The following COX17 variants were observed in gnomAD, a reference collection of about 807,000 sequenced individuals.
COX17 encodes the protein cytochrome c oxidase copper chaperone COX17.
A neutral mutation model predicts 6.3 loss-of-function variants in COX17; 1 was observed. That is an observed-to-expected ratio of 0.16 (90% CI 0.06 to 0.75). The LOEUF (loss-of-function observed/expected upper bound fraction) is 0.75, where lower values mean the gene tolerates loss of function less well. Among genes scored for constraint, COX17 ranks in the 30% least tolerant of loss-of-function variants. The pLI, the probability that COX17 is intolerant of heterozygous loss-of-function variation, is 0.77. For synonymous variants in COX17, 26 were observed against 30.5 expected, an observed-to-expected ratio of 0.85 and a Z score of 0.49; for missense variants, 73 against 81.2, an observed-to-expected ratio of 0.90 and a Z score of 0.39.
intron 1 of COX17, chr3:119,676,792 T>C (rs1475707493): frequency 5.7e-6 from 4 of 699,578 alleles, no homozygotes; most frequent in Non-Finnish European, 1.0e-5. Context: ...TATATCAAGA[T>C]GCATCTTTAT....
At chr3:119,669,275 G>T (rs1472758191), downstream of COX17, 29 of 148,592 alleles carry the variant, frequency 2.0e-4, no homozygotes, top group Non-Finnish European at 1.0e-4. Context: ...AAAGAGTGTT[G>T]AATGAGATGA....
intron 2 of COX17, chr3:119,674,795 C>CA (rs58394788): frequency 0.35 from 46,323 of 134,120 alleles, 7,844 homozygotes; most frequent in East Asian, 0.58. Flanking sequence ...GACCCTGTCT[C>CA]AAAAAAAAAA....
At chr3:119,676,874 G>C in intron 1 of COX17, 2 of 702,886 alleles carry the variant, frequency 2.8e-6, no homozygotes, top group South Asian at 3.0e-5. Context: ...TTGTAGGAAG[G>C]AATGAGTGGT....
intron 2 of COX17, among the ~76,000 whole-genome samples, chr3:119,671,518 TAAGA>T (rs767891782): frequency 6.6e-6 from 1 of 152,220 alleles, no homozygotes; most frequent in Non-Finnish European, 1.5e-5. Flanking sequence ...TCTAACAGTC[TAAGA>T]AATACCGATT....
At chr3:119,675,465 T>G in intron 1 of COX17, 1 of 483,938 alleles carries the variant, frequency 2.1e-6, no homozygotes, top group Non-Finnish European at 3.7e-6. Context: ...TAAGAAATAA[T>G]CACGCATATT....
chr3:119,665,222 G>C (rs1326529414), downstream of COX17: 1 of 152,210 alleles, frequency 6.6e-6, no homozygotes, highest in Non-Finnish European at 1.5e-5. Context: ...CTGGGAAAAA[G>C]TATACTCCCT....
chr3:119,666,276 T>C (rs2052991464), downstream of COX17, among the ~76,000 whole-genome samples: 1 of 152,192 alleles, frequency 6.6e-6, no homozygotes, highest in South Asian at 2.1e-4. Context: ...GCCCAGGGAA[T>C]GGTTTCTCTC....
downstream of COX17, among the ~76,000 whole-genome samples, chr3:119,667,761 G>A (rs1000262514): frequency 9.4e-5 from 14 of 149,016 alleles, no homozygotes; most frequent in South Asian, 2.1e-4. Context: ...GAATGTCATC[G>A]AAGAGAGGTC....
downstream of COX17, among the ~76,000 whole-genome samples, chr3:119,664,644 G>T (rs1436708100): frequency 6.6e-6 from 1 of 152,214 alleles, no homozygotes; most frequent in Non-Finnish European, 1.5e-5. Context: ...ACTCAGCCTG[G>T]TCTTCAAACT....
chr3:119,669,464 T>C (rs1318976546), downstream of COX17: 1 of 152,138 alleles, frequency 6.6e-6, no homozygotes, highest in South Asian at 2.1e-4. Flanking sequence ...TTTGTTGGTA[T>C]ATATCCTTTG....
In COX17 at chr3:119,677,187, T is replaced by A. The variant is rs1488840737; in HGVS notation, c.107+17A>T. On this transcript the variant is annotated intron_variant, in intron 1 of 2. Coordinates refer to ENST00000261070, the MANE Select transcript of COX17 (RefSeq NM_005694.2). ...CCCGGGGCTCGTCGGCCGCGCCCTC[T>A]CCGGCTGCGCACTGACCACGCATCG... 1 of 1,599,604 alleles carries A rather than the reference T, an allele frequency of 6.3e-7. No homozygotes were observed. Among genetic ancestry groups the A allele is most frequent in the Non-Finnish European group, 8.5e-7 (1 of 1,173,326 alleles).
intron 2 of COX17, among the ~76,000 whole-genome samples, chr3:119,672,251 T>C (rs977308397): frequency 6.6e-6 from 1 of 152,234 alleles, no homozygotes; most frequent in African/African-American, 2.4e-5. Context: ...AGTTAAGCAG[T>C]AGATTTTCTA....
intron 2 of COX17, among the ~76,000 whole-genome samples, chr3:119,671,347 T>G (rs900577552): frequency 6.6e-6 from 1 of 152,212 alleles, no homozygotes; most frequent in Non-Finnish European, 1.5e-5. Flanking sequence ...TATAATAGAT[T>G]TATTCCCAAT....
chr3:119,668,058 C>G (rs996047152), downstream of COX17, among the ~76,000 whole-genome samples: 1 of 152,122 alleles, frequency 6.6e-6, no homozygotes, highest in African/African-American at 2.4e-5. Flanking sequence ...AATGACACCA[C>G]AGACCTATAC....
downstream of COX17, among the ~76,000 whole-genome samples, chr3:119,668,415 C>T (rs891863912): frequency 1.3e-5 from 2 of 151,796 alleles, no homozygotes; most frequent in Non-Finnish European, 2.9e-5. Context: ...AGTATTATAT[C>T]CAAATGAATA....
intron 2 of COX17, among the ~76,000 whole-genome samples, chr3:119,669,911 C>T (rs1559734663): frequency 6.6e-6 from 1 of 152,134 alleles, no homozygotes; most frequent in African/African-American, 2.4e-5. Context: ...AGTAAAAACT[C>T]TCTCTGCGTG....
At chr3:119,676,726 C>T (rs1429152800) in intron 1 of COX17, 1 of 665,026 alleles carries the variant, frequency 1.5e-6, no homozygotes. Context: ...TATCATAGCC[C>T]TTACCACGTC....
downstream of COX17, among the ~76,000 whole-genome samples, chr3:119,665,512 T>C (rs932976243): frequency 6.6e-6 from 1 of 152,170 alleles, no homozygotes; most frequent in Non-Finnish European, 1.5e-5. Context: ...GTAACTGAAC[T>C]ACAGGCATGT....
At chr3:119,677,015 G>T in intron 1 of COX17, 189 bp downstream of exon 1, 3 of 524,784 alleles carry the variant, frequency 5.7e-6, no homozygotes, top group Non-Finnish European at 6.8e-6. Context: ...GGGCGGGGCG[G>T]GGCGGGGCGG....
Sources: allele counts gnomAD v4.1 joint callset (sites outside exome capture counted in the v4.1 genomes callset), GRCh38; gene constraint gnomAD v4.1.1; transcripts MANE v1.5; gene names NCBI Gene and HGNC (gene_info 2026-07-23, HGNC 2026-07-21).